Variants in CHCHD3 observed in about 807,000 individuals in gnomAD.
The protein encoded by CHCHD3 is MICOS complex subunit MIC19.
CHCHD3 carries 20 observed loss-of-function variants against 38.2 expected under a neutral mutation model. That is an observed-to-expected ratio of 0.52 (90% confidence interval 0.37 to 0.76). The LOEUF (loss-of-function observed/expected upper bound fraction) is 0.76. Among genes scored for constraint, CHCHD3 ranks in the 30% least tolerant of loss-of-function variants. The pLI, the probability that CHCHD3 is intolerant of heterozygous loss-of-function variation, is 0.00. For synonymous variants in CHCHD3, 82 were observed against 100.0 expected (o/e 0.82, Z 1.07); for missense variants, 245 against 279.2 (o/e 0.88, Z 0.87).
chr7:132,820,605 G>A (rs1327592615), intron 6 of CHCHD3, among the ~76,000 whole-genome samples: 1 of 142,436 alleles, frequency 7.0e-6, no homozygotes, highest in Non-Finnish European at 1.5e-5. Flanking sequence ...GGGAAAATGT[G>A]CTAGTGTTTT....
At chr7:132,873,483 G>C (rs900577679) in intron 5 of CHCHD3, among the ~76,000 whole-genome samples, 1 of 149,608 alleles carries the variant, frequency 6.7e-6, no homozygotes, top group Non-Finnish European at 1.5e-5. Context: ...GCGCAATCTC[G>C]GCTCCCTGCA....
chr7:132,998,510 CTT>C (rs777603051), intron 3 of CHCHD3, among the ~76,000 whole-genome samples: 30 of 152,110 alleles, frequency 2.0e-4, no homozygotes, highest in Non-Finnish European at 4.0e-4. Flanking sequence ...GATCACACCA[CTT>C]ATCAAATGTC....
At chr7:132,946,269 T>A (rs568533288) in intron 4 of CHCHD3, among the ~76,000 whole-genome samples, 12 of 151,858 alleles carry the variant, frequency 7.9e-5, no homozygotes, top group Non-Finnish European at 7.4e-5. Context: ...AAGAGAACAG[T>A]GAAAAATTCA....
chr7:132,965,059 ATGTGTGTGTG>A (rs5887603), intron 4 of CHCHD3, among the ~76,000 whole-genome samples: 1 of 148,438 alleles, frequency 6.7e-6, no homozygotes, highest in Admixed American at 6.7e-5. Context: ...TATGGGTTTT[ATGTGTGTGTG>A]TGTGTGTGTG....
chr7:132,814,780 TATC>T (rs1431711243), intron 6 of CHCHD3, among the ~76,000 whole-genome samples: 1 of 152,214 alleles, frequency 6.6e-6, no homozygotes, highest in Non-Finnish European at 1.5e-5. Flanking sequence ...TCATATGTCA[TATC>T]ATATATCATA....
Position 133,035,327 on chromosome 7 carries a change from G to A in CHCHD3, c.170-10700C>T. ...GTTCCCCCAAGACAGCCCGGAACTG[G>A]GGCTGGTTAATGCAGGTGAGGAACC... On this transcript the variant is annotated intron_variant, in intron 2 of 7. Coordinates refer to ENST00000262570, the MANE Select transcript of CHCHD3 (RefSeq NM_017812.4). This position sits in a 1 kb window ranked among gnomAD's most constrained non-coding sequence, Gnocchi z 4.7. The A allele has an allele frequency of 1.2e-6, 2 of 1,610,882 alleles. No homozygotes were observed. Among genetic ancestry groups the A allele is most frequent in the Admixed American group, 1.7e-5 (1 of 59,990 alleles).
intron 3 of CHCHD3, among the ~76,000 whole-genome samples, chr7:132,983,876 A>G (rs563481312): frequency 6.6e-6 from 1 of 152,230 alleles, no homozygotes; most frequent in Non-Finnish European, 1.5e-5. Flanking sequence ...GAAGCCTTCA[A>G]TGCAGCTATG....
At chr7:132,892,307 A>G (rs1419375206) in intron 4 of CHCHD3, among the ~76,000 whole-genome samples, 1 of 152,218 alleles carries the variant, frequency 6.6e-6, no homozygotes, top group Non-Finnish European at 1.5e-5. Context: ...TGGGAACTGG[A>G]GCAAAGGTGA....
At chr7:132,866,052 C>T (rs1194599808) in intron 5 of CHCHD3, among the ~76,000 whole-genome samples, 1 of 152,152 alleles carries the variant, frequency 6.6e-6, no homozygotes, top group Non-Finnish European at 1.5e-5. Context: ...AACTGCACAA[C>T]CTTGTGGACA....
intron 4 of CHCHD3, among the ~76,000 whole-genome samples, chr7:132,896,775 AAC>A (rs1325792979): frequency 2.6e-5 from 4 of 152,204 alleles, no homozygotes; most frequent in African/African-American, 9.7e-5. Flanking sequence ...CTGAATATAA[AAC>A]ACAGCTCCAA....
At chr7:132,811,493 G>T (rs1262421706) in intron 6 of CHCHD3, among the ~76,000 whole-genome samples, 1 of 152,202 alleles carries the variant, frequency 6.6e-6, no homozygotes, top group East Asian at 1.9e-4. Flanking sequence ...CATGTTGTTG[G>T]AAGCACAGCT....
intron 5 of CHCHD3, among the ~76,000 whole-genome samples, chr7:132,875,594 C>A (rs995726566): frequency 1.3e-5 from 2 of 152,190 alleles, no homozygotes; most frequent in African/African-American, 2.4e-5. Context: ...CACACAGCCT[C>A]CATGGGCCCA....
chr7:132,955,382 G>T (rs771335880), intron 4 of CHCHD3, among the ~76,000 whole-genome samples: 2 of 152,030 alleles, frequency 1.3e-5, no homozygotes, highest in Admixed American at 1.3e-4. Context: ...CATTTGCAAT[G>T]CAGGGCAAAA....
chr7:132,785,812 G>T, intron 7 of CHCHD3, 152 bp from the exon 8 acceptor site: 1 of 793,354 alleles, frequency 1.3e-6, no homozygotes, highest in Admixed American at 2.3e-5. Flanking sequence ...TCAAAATATT[G>T]CTCCTTTAAT....
At chr7:133,060,771 G>A (rs1481703178) in intron 2 of CHCHD3, among the ~76,000 whole-genome samples, 7 of 152,108 alleles carry the variant, frequency 4.6e-5, no homozygotes, top group South Asian at 4.1e-4. Context: ...TTAGCCAGGC[G>A]TGGTGGCGGG....
chr7:133,024,346 C>T (rs1327233988), intron 3 of CHCHD3, among the ~76,000 whole-genome samples, 200 bp downstream of exon 3: 2 of 152,190 alleles, frequency 1.3e-5, no homozygotes, highest in East Asian at 3.8e-4. Context: ...TGGTAATTCA[C>T]AGTCAGCTTT....
chr7:133,030,079 G>A (rs1452365945), intron 2 of CHCHD3, among the ~76,000 whole-genome samples: 1 of 150,458 alleles, frequency 6.6e-6, no homozygotes, highest in East Asian at 1.9e-4. Context: ...AATTACCTTA[G>A]CTACAAATGA....
intron 5 of CHCHD3, among the ~76,000 whole-genome samples, chr7:132,868,510 A>G (rs1293509043): frequency 6.6e-6 from 1 of 152,076 alleles, no homozygotes; most frequent in East Asian, 1.9e-4. Context: ...ATATGCTGAG[A>G]CCTTTAGTTT....
intron 4 of CHCHD3, among the ~76,000 whole-genome samples, chr7:132,948,000 A>G (rs1265286429): frequency 6.6e-6 from 1 of 152,150 alleles, no homozygotes; most frequent in African/African-American, 2.4e-5. Context: ...TTGGGGGGAA[A>G]AAGTCACAAA....
Sources: allele counts gnomAD v4.1 joint callset (sites outside exome capture counted in the v4.1 genomes callset), GRCh38; gene constraint gnomAD v4.1.1; non-coding constraint Gnocchi (gnomAD v3.1); transcripts MANE v1.5; gene names NCBI Gene and HGNC (gene_info 2026-07-23, HGNC 2026-07-21).